Variants in MTUS2 observed in about 807,000 individuals in gnomAD.
MTUS2 encodes the protein microtubule-associated tumor suppressor candidate 2.
MTUS2 carries 40 observed loss-of-function variants against 114.1 expected under a neutral mutation model. The observed-to-expected ratio is 0.35, with a 90% confidence interval of 0.27 to 0.46. The LOEUF (loss-of-function observed/expected upper bound fraction) is 0.46. Among genes scored for constraint, MTUS2 ranks in the 20% least tolerant of loss-of-function variants. The pLI is 1.00. For missense variants in MTUS2, 1,679 were observed against 1,705.4 expected (o/e 0.98, Z 0.27); for synonymous variants, 688 against 672.0 (o/e 1.02, Z -0.37).
chr13:28,899,183 T>C (rs915006484), intron 2 of MTUS2, among the ~76,000 whole-genome samples: 2 of 152,226 alleles, frequency 1.3e-5, no homozygotes, highest in African/African-American at 4.8e-5. Context: ...TAATAATATC[T>C]TGTAAAACAA....
chr13:28,929,629 A>C (rs1162918516), intron 2 of MTUS2, among the ~76,000 whole-genome samples: 1 of 152,136 alleles, frequency 6.6e-6, no homozygotes, highest in African/African-American at 2.4e-5. Context: ...GCATTCAGGG[A>C]ATGACTGGAG....
At chr13:29,170,897 A>C (rs11290215) in intron 5 of MTUS2, among the ~76,000 whole-genome samples, 24,522 of 97,450 alleles carry the variant, frequency 0.25, 2,093 homozygotes, top group East Asian at 0.4. Flanking sequence ...AAACATCTTT[A>C]AAAAATGTGG....
At chr13:29,351,562 A>G (rs1869272513) in intron 7 of MTUS2, among the ~76,000 whole-genome samples, 1 of 151,436 alleles carries the variant, frequency 6.6e-6, no homozygotes, top group Non-Finnish European at 1.5e-5. Flanking sequence ...ACACTCCACT[A>G]TTCTACTACA....
At chr13:28,935,290 C>G (rs1881844742) in intron 2 of MTUS2, among the ~76,000 whole-genome samples, 1 of 152,050 alleles carries the variant, frequency 6.6e-6, no homozygotes, top group African/African-American at 2.4e-5. Context: ...TTGTTCTAAA[C>G]AGGAGTAAAA....
intron 4 of MTUS2, among the ~76,000 whole-genome samples, chr13:29,070,974 T>A (rs949434977): frequency 3.2e-4 from 32 of 99,118 alleles, no homozygotes; most frequent in Non-Finnish European, 6.1e-4. Flanking sequence ...TGGCTTCTGA[T>A]TGCTTGTTTT....
intron 4 of MTUS2, among the ~76,000 whole-genome samples, chr13:29,037,488 C>T (rs1228193572): frequency 6.6e-6 from 1 of 152,062 alleles, no homozygotes; most frequent in Non-Finnish European, 1.5e-5. Context: ...AATTATGTGT[C>T]TTGGGGTTGC....
At chr13:29,060,154 A>G (rs1325087975) in intron 4 of MTUS2, among the ~76,000 whole-genome samples, 1 of 152,224 alleles carries the variant, frequency 6.6e-6, no homozygotes, top group Non-Finnish European at 1.5e-5. Context: ...ACTGCTCCCA[A>G]GCACCATGAC....
chr13:29,147,839 T>C (rs1593528215), intron 5 of MTUS2, among the ~76,000 whole-genome samples: 1 of 152,326 alleles, frequency 6.6e-6, no homozygotes, highest in African/African-American at 2.4e-5. Flanking sequence ...CAGTCCACCA[T>C]TGATGGTCAC....
chr13:29,319,704 C>T (rs1227499003), intron 6 of MTUS2, among the ~76,000 whole-genome samples: 1 of 152,080 alleles, frequency 6.6e-6, no homozygotes, highest in African/African-American at 2.4e-5. Context: ...AGGGTTGATT[C>T]CCCAAAGGTC....
chr13:29,079,331 T>C (rs766688556), intron 4 of MTUS2, among the ~76,000 whole-genome samples: 3 of 152,222 alleles, frequency 2.0e-5, no homozygotes, highest in Non-Finnish European at 4.4e-5. Flanking sequence ...TATTAGACAC[T>C]TATTTGCAAA....
intron 9 of MTUS2, among the ~76,000 whole-genome samples, chr13:29,464,129 C>T (rs1013257023): frequency 2.6e-5 from 4 of 152,212 alleles, no homozygotes; most frequent in African/African-American, 9.7e-5. Flanking sequence ...GTTGAGCAAG[C>T]CATTCTTGCA....
chr13:29,423,013 A>G (rs569628138), intron 8 of MTUS2, among the ~76,000 whole-genome samples: 8 of 152,290 alleles, frequency 5.3e-5, no homozygotes, highest in Middle Eastern at 3.4e-3. Flanking sequence ...CAGGTATCCA[A>G]GCATTTGGGT....
At chr13:29,237,936 G>T (rs1896594949) in intron 5 of MTUS2, among the ~76,000 whole-genome samples, 1 of 151,908 alleles carries the variant, frequency 6.6e-6, no homozygotes, top group South Asian at 2.1e-4. Flanking sequence ...GTAAAAAAAA[G>T]AAAAAAAGAA....
chr13:29,226,574 T>A (rs989577224), intron 5 of MTUS2, among the ~76,000 whole-genome samples: 11 of 152,058 alleles, frequency 7.2e-5, no homozygotes, highest in Admixed American at 7.2e-4. Context: ...ATTTTAAATA[T>A]TAGATAAATA....
At chr13:28,830,531 C>T (rs1874594518) in intron 1 of MTUS2, among the ~76,000 whole-genome samples, 2 of 151,918 alleles carry the variant, frequency 1.3e-5, no homozygotes, top group African/African-American at 2.4e-5. Flanking sequence ...TAGAGAGGCT[C>T]ATCAACAGAT....
In MTUS2 at chr13:29,416,678, C is replaced by A. The variant is rs374502314; in HGVS notation, c.3118-23305C>A. Among the ~76,000 whole-genome samples, 156 of 152,258 alleles carry A rather than the reference C, an allele frequency of 1.0e-3. 7 individuals carry two copies. The South Asian group carries it at 0.032, about 31-fold the overall frequency. On this transcript the variant is annotated intron_variant, in intron 8 of 15. Coordinates refer to ENST00000612955, the MANE Select transcript of MTUS2 (RefSeq NM_001033602.4). ...TTTGCCAGTAGCCTTGATACTTGGA[C>A]AACTTAACTTTATATAAAATGAAGA...
At chr13:29,199,659 G>A (rs188820120) in intron 5 of MTUS2, among the ~76,000 whole-genome samples, 28 of 152,018 alleles carry the variant, frequency 1.8e-4, no homozygotes, top group Admixed American at 8.5e-4. Context: ...TTCTTTTTTT[G>A]TTGTGTCTCT....
intron 8 of MTUS2, among the ~76,000 whole-genome samples, chr13:29,412,873 A>G (rs1448452927): frequency 1.3e-5 from 2 of 152,070 alleles, no homozygotes; most frequent in Non-Finnish European, 1.5e-5. Flanking sequence ...GGTTGCATTC[A>G]TTTCTGGAGG....
chr13:29,349,161 C>A (rs1869007569), intron 7 of MTUS2, among the ~76,000 whole-genome samples: 1 of 150,468 alleles, frequency 6.6e-6, no homozygotes, highest in Non-Finnish European at 1.5e-5. Context: ...CATTTATCTC[C>A]TTTGTTCATG....
Sources: gnomAD v4.1 joint callset for allele counts (sites outside exome capture counted in the v4.1 genomes callset) on GRCh38, gnomAD v4.1.1 for gene constraint, MANE v1.5 for transcripts, NCBI Gene and HGNC (gene_info 2026-07-23, HGNC 2026-07-21) for gene names.